The following PEAK1 variants were observed in gnomAD, a reference collection of about 807,000 sequenced individuals.
The protein encoded by PEAK1 is pseudopodium enriched atypical kinase 1, also known as inactive tyrosine-protein kinase PEAK1.
PEAK1 carries 54 observed loss-of-function variants against 124.7 expected under a neutral mutation model. The observed-to-expected ratio is 0.43, with a 90% confidence interval of 0.35 to 0.54. The LOEUF is 0.54. Among genes scored for constraint, PEAK1 ranks in the 20% least tolerant of loss-of-function variants. PEAK1 has a pLI of 0.01. For missense variants in PEAK1, 2,046 were observed against 2,134.5 expected (o/e 0.96, Z 0.82); for synonymous variants, 719 against 760.0 (o/e 0.95, Z 0.89).
At chr15:77,338,084 A>G in intron 2 of PEAK1, 1 of 983,752 alleles carries the variant, frequency 1.0e-6, no homozygotes, top group Non-Finnish European at 1.2e-6. Context: ...CTCAAACTGT[A>G]TACCAATGAA....
intron 1 of PEAK1, chr15:77,401,967 C>T (rs979383210): frequency 7.8e-6 from 7 of 902,088 alleles, no homozygotes; most frequent in Admixed American, 6.2e-5. Flanking sequence ...GGGAGGCCAA[C>T]GTGGGCAGAT....
chr15:77,264,233 T>C (rs1055966614), intron 5 of PEAK1, among the ~76,000 whole-genome samples: 32 of 151,958 alleles, frequency 2.1e-4, no homozygotes, highest in East Asian at 3.9e-4. Flanking sequence ...CTATTCAACA[T>C]AGTGTTGGAA....
intron 6 of PEAK1, among the ~76,000 whole-genome samples, chr15:77,211,446 T>C (rs1243728684): frequency 6.6e-6 from 1 of 151,872 alleles, no homozygotes; most frequent in Non-Finnish European, 1.5e-5. Flanking sequence ...TGGAGGTGAG[T>C]TCAATTCTGG....
rs1392755976 is a variant in PEAK1 at position 77,408,030 on chromosome 15, CAT to C, written c.-666+11974_-666+11975del. 5.3e-5 allele frequency among the ~76,000 whole-genome samples: 8 copies of C among 150,970 alleles called. No homozygotes were observed. In the East Asian group the frequency reaches 7.8e-4, roughly 15 times the overall value. ...GTACACATATACACATATATACACA[CAT>C]ATATACATATATACACATACATGCA... is the stretch of plus-strand genomic sequence containing the variant. On this transcript the variant is annotated intron_variant, in intron 1 of 9. Transcript: ENST00000682557.
chr15:77,305,187 G>A (rs1166019682), intron 2 of PEAK1, among the ~76,000 whole-genome samples: 1 of 132,212 alleles, frequency 7.6e-6, no homozygotes, highest in African/African-American at 2.8e-5. Context: ...GGAAGGAAGG[G>A]AGGGAGGGAC....
At chr15:77,415,778 T>G (rs959874935) in intron 1 of PEAK1, among the ~76,000 whole-genome samples, 9 of 152,134 alleles carry the variant, frequency 5.9e-5, no homozygotes, top group African/African-American at 2.2e-4. Flanking sequence ...TGGATCCCAT[T>G]CCTTATTACC....
At chr15:77,150,365 A>T (rs1318278107) in intron 8 of PEAK1, among the ~76,000 whole-genome samples, 1 of 152,148 alleles carries the variant, frequency 6.6e-6, no homozygotes, top group Non-Finnish European at 1.5e-5. Context: ...TTATCTGAAA[A>T]ATGGGGATAA....
At chr15:77,319,186 T>C (rs2065050790) in intron 2 of PEAK1, among the ~76,000 whole-genome samples, 1 of 152,064 alleles carries the variant, frequency 6.6e-6, no homozygotes, top group Non-Finnish European at 1.5e-5. Context: ...GGATAAATTA[T>C]TCTGGTCTAT....
intron 8 of PEAK1, among the ~76,000 whole-genome samples, chr15:77,151,646 C>G (rs1378645207): frequency 6.6e-6 from 1 of 152,078 alleles, no homozygotes; most frequent in Non-Finnish European, 1.5e-5. Context: ...GGTTTTAGGT[C>G]TAACATGTAA....
At position 77,254,112 on chromosome 15, in the gene PEAK1, G is replaced by A. The variant is rs561987716; in HGVS notation, c.-274-1586C>T. On this transcript the variant is annotated intron_variant, in intron 5 of 9. Coordinates refer to ENST00000682557, the MANE Select transcript of PEAK1 (RefSeq NM_001385026.1). ...TAGAATTACAGGTGTGAGCCACTGCGCCTGGCCTATCTTTGGACTTTAGTA... is the reference window on the plus strand; with the variant it reads ...TAGAATTACAGGTGTGAGCCACTGCACCTGGCCTATCTTTGGACTTTAGTA... 7.2e-5 allele frequency among the ~76,000 whole-genome samples: 11 copies of A among 152,190 alleles called. No individual in the cohort carries two copies. The South Asian group carries it at 1.0e-3, about 14-fold the overall frequency.
chr15:77,115,632 G>T (rs1264278617), intron 9 of PEAK1, among the ~76,000 whole-genome samples: 1 of 152,154 alleles, frequency 6.6e-6, no homozygotes, highest in African/African-American at 2.4e-5. Context: ...ACCTAAGTTT[G>T]TTTAATGCCA....
chr15:77,228,222 C>T (rs1316826267), intron 6 of PEAK1, among the ~76,000 whole-genome samples: 1 of 152,040 alleles, frequency 6.6e-6, no homozygotes, highest in Non-Finnish European at 1.5e-5. Flanking sequence ...CCCATTAACT[C>T]ATCATTTAGT....
chr15:77,247,453 T>A (rs28824818), intron 6 of PEAK1, among the ~76,000 whole-genome samples: 1 of 150,822 alleles, frequency 6.6e-6, no homozygotes, highest in African/African-American at 2.4e-5. Context: ...ATGGGGTTTT[T>A]AATTTTTTTT....
chr15:77,199,547 C>G (rs920479001), intron 6 of PEAK1, among the ~76,000 whole-genome samples: 8 of 152,190 alleles, frequency 5.3e-5, no homozygotes. Context: ...AGCCATCAAG[C>G]CCCAAACAAT....
chr15:77,163,035 T>C (rs1380292229), intron 7 of PEAK1, among the ~76,000 whole-genome samples: 2 of 152,228 alleles, frequency 1.3e-5, no homozygotes, highest in Admixed American at 6.5e-5. Context: ...TTAATTCATG[T>C]TGAAACACTC....
intron 7 of PEAK1, chr15:77,178,368 T>A (rs941934734): frequency 5.6e-6 from 1 of 179,408 alleles, no homozygotes; most frequent in Admixed American, 5.9e-5. Flanking sequence ...AACACCTTCA[T>A]AAAAAACAAA....
chr15:77,393,666 G>A (rs2070665794), intron 1 of PEAK1, among the ~76,000 whole-genome samples: 1 of 152,160 alleles, frequency 6.6e-6, no homozygotes, highest in South Asian at 2.1e-4. Flanking sequence ...GTGAGACTTG[G>A]CTTCAGGCAT....
intron 1 of PEAK1, among the ~76,000 whole-genome samples, chr15:77,384,827 CA>C (rs1478705020): frequency 6.6e-6 from 1 of 152,192 alleles, no homozygotes; most frequent in East Asian, 1.9e-4. Context: ...CATTTGGTTA[CA>C]AGTTGCTTAT....
chr15:77,311,685 CAAA>C (rs11296386), intron 2 of PEAK1, among the ~76,000 whole-genome samples: 76 of 85,848 alleles, frequency 8.9e-4, no homozygotes, highest in African/African-American at 2.7e-3. Context: ...CCAACCCCCA[CAAA>C]AAAAAAAAAA....
Sources: gnomAD v4.1 joint callset for allele counts (sites outside exome capture counted in the v4.1 genomes callset) on GRCh38, gnomAD v4.1.1 for gene constraint, MANE v1.5 for transcripts, NCBI Gene and HGNC (gene_info 2026-07-23, HGNC 2026-07-21) for gene names.